DNAJC3: variants seen among roughly 807,000 people sequenced by gnomAD.
DNAJC3 encodes the protein dnaJ homolog subfamily C member 3.
Under a neutral mutation model 68.6 loss-of-function variants are expected in DNAJC3, and 38 were observed. The observed-to-expected ratio is 0.55, with a 90% CI of 0.43 to 0.73. The LOEUF (loss-of-function observed/expected upper bound fraction) is 0.73. Ranked by LOEUF, DNAJC3 falls within the 30% of genes least tolerant of loss-of-function variation. DNAJC3 has a pLI of 0.00. For missense variants in DNAJC3, 526 were observed against 591.9 expected (o/e 0.89, Z 1.16); for synonymous variants, 203 against 204.0 (o/e 1.00, Z 0.04).
chr13:95,737,594 C>G (rs968723706), intron 4 of DNAJC3, among the ~76,000 whole-genome samples: 3 of 151,926 alleles, frequency 2.0e-5, no homozygotes, highest in Admixed American at 1.3e-4. Flanking sequence ...TCTAGATTTT[C>G]TAGTTTATTT....
chr13:95,719,807 AT>A (rs1358130554), intron 2 of DNAJC3, among the ~76,000 whole-genome samples: 6 of 152,226 alleles, frequency 3.9e-5, no homozygotes, highest in African/African-American at 1.4e-4. Context: ...ATTTTTGTGT[AT>A]GATGGGATCC....
At chr13:95,759,292 T>C (rs1291675504) in intron 5 of DNAJC3, among the ~76,000 whole-genome samples, 8 of 152,170 alleles carry the variant, frequency 5.3e-5, no homozygotes, top group Non-Finnish European at 1.2e-4. Context: ...GGCGGTGACA[T>C]TTACAGAAGA....
chr13:95,774,190 T>G (rs1883239613), intron 9 of DNAJC3, among the ~76,000 whole-genome samples: 1 of 152,218 alleles, frequency 6.6e-6, no homozygotes, highest in South Asian at 2.1e-4. Flanking sequence ...AGGCCTTTCT[T>G]TCTTTTTAAA....
At chr13:95,753,189 A>G (rs1036669099) in intron 4 of DNAJC3, among the ~76,000 whole-genome samples, 1 of 151,882 alleles carries the variant, frequency 6.6e-6, no homozygotes, top group South Asian at 2.1e-4. Context: ...TTTTTCTCAT[A>G]CTCGTTACCT....
chr13:95,709,082 C>G (rs184103784), intron 1 of DNAJC3, 145 bp from the exon 2 acceptor site: 2 of 494,246 alleles, frequency 4.0e-6, no homozygotes, highest in Admixed American at 8.6e-5. Context: ...TTTTATGTTA[C>G]GTTCTTTACA....
intron 4 of DNAJC3, among the ~76,000 whole-genome samples, chr13:95,756,474 A>G (rs1192925707): frequency 6.6e-6 from 1 of 152,246 alleles, no homozygotes; most frequent in Non-Finnish European, 1.5e-5. Flanking sequence ...GAATAGCTAA[A>G]ATATCCTAAA....
chr13:95,790,812 ATTC>A, intron 11 of DNAJC3, 58 bp from the exon 12 acceptor site: 1 of 1,550,630 alleles, frequency 6.4e-7, no homozygotes, highest in Non-Finnish European at 8.7e-7. Context: ...CAAAGAAAAC[ATTC>A]CCCCTGCCCC....
intron 4 of DNAJC3, among the ~76,000 whole-genome samples, chr13:95,726,260 A>G (rs1478332062): frequency 6.6e-6 from 1 of 152,218 alleles, no homozygotes; most frequent in East Asian, 1.9e-4. Context: ...ACTGACTTCC[A>G]CAATGGTTGA....
intron 4 of DNAJC3, among the ~76,000 whole-genome samples, chr13:95,747,852 G>T (rs1325024856): frequency 6.6e-6 from 1 of 152,174 alleles, no homozygotes; most frequent in Non-Finnish European, 1.5e-5. Flanking sequence ...AAGGAATTAT[G>T]ATATCCAGGT....
chr13:95,701,801 A>T (rs1049872018), intron 1 of DNAJC3, among the ~76,000 whole-genome samples: 4 of 152,190 alleles, frequency 2.6e-5, no homozygotes, highest in African/African-American at 7.2e-5. Context: ...TTTAATTTTA[A>T]CTGTGTTAGG....
At chr13:95,782,981 A>G (rs1883496730) in intron 9 of DNAJC3, among the ~76,000 whole-genome samples, 2 of 152,068 alleles carry the variant, frequency 1.3e-5, no homozygotes. Context: ...ACCTCGAGTT[A>G]ATTTTTGTAT....
At chr13:95,687,466 C>T (rs1437572850) in intron 1 of DNAJC3, among the ~76,000 whole-genome samples, 2 of 152,164 alleles carry the variant, frequency 1.3e-5, no homozygotes, top group African/African-American at 2.4e-5. Flanking sequence ...AGGGTGAATG[C>T]TTTCAGCTTT....
intron 4 of DNAJC3, among the ~76,000 whole-genome samples, chr13:95,753,163 T>A (rs1335290258): frequency 9.9e-5 from 15 of 152,156 alleles, no homozygotes; most frequent in Admixed American, 9.8e-4. Flanking sequence ...TTCCGTATGG[T>A]TGTACATGCT....
intron 1 of DNAJC3, among the ~76,000 whole-genome samples, chr13:95,681,939 C>T (rs572997561): frequency 3.3e-5 from 5 of 152,324 alleles, no homozygotes; most frequent in African/African-American, 9.6e-5. Flanking sequence ...TACTTTTTCT[C>T]ATATTGAAAT....
At chr13:95,702,360 G>A (rs1196607040) in intron 1 of DNAJC3, among the ~76,000 whole-genome samples, 4 of 152,270 alleles carry the variant, frequency 2.6e-5, no homozygotes, top group South Asian at 2.1e-4. Flanking sequence ...GGAGAAATGC[G>A]TTGGCTACTT....
chr13:95,717,023 G>A (rs1162294286), intron 2 of DNAJC3, among the ~76,000 whole-genome samples: 2 of 152,132 alleles, frequency 1.3e-5, no homozygotes, highest in Admixed American at 6.5e-5. Context: ...AGTAGGTGGT[G>A]ATGGGGTGTT....
In DNAJC3 at chr13:95,725,244, A is replaced by T. The variant is rs749107316; in HGVS notation, c.385A>T (p.Lys129Ter). The change falls in exon 4 of 12, where the codon AAA becomes TAA. Residue 129 changes from lysine to a stop codon, truncating the protein, a stop_gained. Coordinates refer to ENST00000602402, the MANE Select transcript of DNAJC3 (RefSeq NM_006260.5). LOFTEE classifies it high-confidence loss of function. ...ACTTGATGAAGCAGAAGATGATTTT[A>T]AAAAAGTGGTAAGTTCAATATGTAT... Reference protein sequence around the residue: ...GKLDEAEDDFKKVLKSNPSEN... With the variant: ...GKLDEAEDDF The T allele has an allele frequency of 5.0e-6, 8 of 1,593,932 alleles. No homozygotes were observed. The highest frequency in any genetic ancestry group is 6.8e-6 in the Non-Finnish European group (8 of 1,172,698).
At chr13:95,753,266 A>G (rs1009263195) in intron 4 of DNAJC3, among the ~76,000 whole-genome samples, 1 of 152,208 alleles carries the variant, frequency 6.6e-6, no homozygotes, top group African/African-American at 2.4e-5. Flanking sequence ...GCTTTAATTC[A>G]GTCGCTCACC....
chr13:95,732,095 A>G (rs1353560987), intron 4 of DNAJC3, among the ~76,000 whole-genome samples: 3 of 151,702 alleles, frequency 2.0e-5, no homozygotes, highest in Non-Finnish European at 4.4e-5. Flanking sequence ...TTCGTTGAGG[A>G]TGTTTGCATC....
Sources: allele counts gnomAD v4.1 joint callset (sites outside exome capture counted in the v4.1 genomes callset), GRCh38; gene constraint gnomAD v4.1.1; transcripts MANE v1.5; gene names NCBI Gene and HGNC (gene_info 2026-07-23, HGNC 2026-07-21).